SAMD5: variants seen among roughly 807,000 people sequenced by gnomAD.
SAMD5 encodes sterile alpha motif domain-containing protein 5.
Under a neutral mutation model 11.3 loss-of-function variants are expected in SAMD5, and 13 were observed. The observed-to-expected ratio is 1.15, with a 90% confidence interval of 0.75 to 1.83. SAMD5 has a LOEUF of 1.83. Among genes scored for constraint, SAMD5 ranks in the 40% most tolerant of loss-of-function variants. SAMD5 has a pLI of 0.00. For synonymous variants in SAMD5, 129 were observed against 111.3 expected (o/e 1.16, Z -1.00); for missense variants, 255 against 239.1 (o/e 1.07, Z -0.44).
At chr6:147,578,226 A>T (rs994940153) in intron 1 of SAMD5, among the ~76,000 whole-genome samples, 1 of 152,168 alleles carries the variant, frequency 6.6e-6, no homozygotes, top group Non-Finnish European at 1.5e-5. Flanking sequence ...TCTAATTATT[A>T]GTTGCTTAAA....
At chr6:147,891,818 AG>A in the SAMD5 span, among the ~76,000 whole-genome samples, 1 of 151,812 alleles carries the variant, frequency 6.6e-6, no homozygotes, top group South Asian at 2.1e-4. Flanking sequence ...TTGGCAGGAA[AG>A]CAGAGGTCCA....
chr6:147,855,742 C>T, the SAMD5 span, among the ~76,000 whole-genome samples: 1 of 152,084 alleles, frequency 6.6e-6, no homozygotes, highest in Non-Finnish European at 1.5e-5. Flanking sequence ...AATTAAAAGG[C>T]AGAGTTTCTC....
At chr6:147,572,724 A>G (rs1184809714), downstream of SAMD5, among the ~76,000 whole-genome samples, 3 of 152,246 alleles carry the variant, frequency 2.0e-5, no homozygotes, top group African/African-American at 7.2e-5. Flanking sequence ...TAATCAAACT[A>G]TAGTTAATGT....
At chr6:147,828,754 G>A in the SAMD5 span, among the ~76,000 whole-genome samples, 2 of 152,126 alleles carry the variant, frequency 1.3e-5, no homozygotes, top group Non-Finnish European at 2.9e-5. Context: ...TGTCCTATTA[G>A]TTCTGTCCCT....
the SAMD5 span, among the ~76,000 whole-genome samples, chr6:147,882,627 T>C: frequency 2.0e-5 from 3 of 152,228 alleles, no homozygotes; most frequent in African/African-American, 4.8e-5. Flanking sequence ...GTTGTTGTTA[T>C]TGTTATGTAA....
At chr6:147,872,062 G>A in the SAMD5 span, among the ~76,000 whole-genome samples, 8 of 152,134 alleles carry the variant, frequency 5.3e-5, no homozygotes, top group Admixed American at 3.3e-4. Flanking sequence ...TTGCAACAAC[G>A]TTATTCTGAT....
At chr6:147,661,203 T>C (rs1434852085) in intron 1 of SAMD5, among the ~76,000 whole-genome samples, 1 of 152,188 alleles carries the variant, frequency 6.6e-6, no homozygotes, top group South Asian at 2.1e-4. Flanking sequence ...TGGAGATTCC[T>C]AATAATTGTC....
chr6:147,818,922 T>C, the SAMD5 span, among the ~76,000 whole-genome samples: 1 of 152,190 alleles, frequency 6.6e-6, no homozygotes, highest in Non-Finnish European at 1.5e-5. Flanking sequence ...AGTGTGGCGA[T>C]TACTCAAAGA....
the SAMD5 span, among the ~76,000 whole-genome samples, chr6:147,809,539 C>T: frequency 6.6e-6 from 1 of 151,988 alleles, no homozygotes; most frequent in African/African-American, 2.4e-5. Flanking sequence ...AGAACAAATG[C>T]AATTAATACA....
the SAMD5 span, among the ~76,000 whole-genome samples, chr6:147,752,425 A>T: frequency 6.6e-6 from 1 of 152,222 alleles, no homozygotes; most frequent in African/African-American, 2.4e-5. Flanking sequence ...TTCAATATAC[A>T]TACTGTCACA....
chr6:147,770,475 T>A, the SAMD5 span, among the ~76,000 whole-genome samples: 1 of 152,126 alleles, frequency 6.6e-6, no homozygotes, highest in South Asian at 2.1e-4. Context: ...ATTCATTGAC[T>A]GACTGAGTTA....
intron 1 of SAMD5, among the ~76,000 whole-genome samples, chr6:147,658,018 A>C (rs932088331): frequency 2.6e-5 from 4 of 152,230 alleles, no homozygotes; most frequent in African/African-American, 9.6e-5. Flanking sequence ...TTTCCAAATA[A>C]AATATCTTTA....
intron 1 of SAMD5, among the ~76,000 whole-genome samples, chr6:147,684,820 T>C (rs1482708675): frequency 6.6e-6 from 1 of 152,194 alleles, no homozygotes; most frequent in Non-Finnish European, 1.5e-5. Flanking sequence ...TGGAGAAAAT[T>C]ACAATTGTTC....
At chr6:147,526,555 T>G (rs1788344444) in intron 1 of SAMD5, among the ~76,000 whole-genome samples, 1 of 152,234 alleles carries the variant, frequency 6.6e-6, no homozygotes, top group Admixed American at 6.5e-5. Context: ...TGGAGTATCT[T>G]TCAGCCGTAA....
chr6:147,535,825 G>C (rs1015024703), intron 1 of SAMD5, among the ~76,000 whole-genome samples: 2 of 152,064 alleles, frequency 1.3e-5, no homozygotes, highest in Admixed American at 6.6e-5. Context: ...GTTAGAAAGT[G>C]ATATTTTTTA....
chr6:147,675,073 A>ATC (rs1457231940), intron 1 of SAMD5, among the ~76,000 whole-genome samples: 77 of 152,312 alleles, frequency 5.1e-4, no homozygotes, highest in African/African-American at 1.8e-3. Flanking sequence ...TAATCAATTG[A>ATC]AATTGGCATG....
At chr6:147,601,147 C>G (rs55824922) in intron 1 of SAMD5, among the ~76,000 whole-genome samples, 51 of 152,178 alleles carry the variant, frequency 3.4e-4, no homozygotes, top group Non-Finnish European at 6.0e-4. Context: ...TTGCATGCTC[C>G]TCCAGTGGAG....
At chr6:147,543,561 T>C (rs956256246) in intron 1 of SAMD5, among the ~76,000 whole-genome samples, 2 of 152,200 alleles carry the variant, frequency 1.3e-5, no homozygotes, top group Non-Finnish European at 2.9e-5. Context: ...TATGTATACT[T>C]GAGAAAGGAT....
intron 1 of SAMD5, among the ~76,000 whole-genome samples, chr6:147,677,671 C>A (rs1249816755): frequency 1.3e-5 from 2 of 152,006 alleles, no homozygotes; most frequent in African/African-American, 4.8e-5. Flanking sequence ...ATGGAGGAAG[C>A]AGGAAGGGTG....
Sources: allele counts gnomAD v4.1 joint callset (sites outside exome capture counted in the v4.1 genomes callset), GRCh38; gene constraint gnomAD v4.1.1; transcripts MANE v1.5; gene names NCBI Gene and HGNC (gene_info 2026-07-23, HGNC 2026-07-21).